IL1RAPL2: variants seen among roughly 807,000 people sequenced by gnomAD.
IL1RAPL2 encodes the protein interleukin 1 receptor accessory protein like 2, also known as X-linked interleukin-1 receptor accessory protein-like 2.
A neutral mutation model predicts 44.1 loss-of-function variants in IL1RAPL2; 3 were observed. The ratio of observed to expected loss-of-function variants is 0.07; its 90% CI spans 0.03 to 0.18. The LOEUF (loss-of-function observed/expected upper bound fraction) is 0.18, where lower values mean the gene tolerates loss of function less well. IL1RAPL2 is among the 10% of genes least tolerant of loss of function. The pLI, the probability that IL1RAPL2 is intolerant of heterozygous loss-of-function variation, is 1.00. For synonymous variants in IL1RAPL2, 181 were observed against 178.8 expected (o/e 1.01, Z -0.10); for missense variants, 391 against 496.4 (o/e 0.79, Z 2.02).
At chrX:105,154,453 G>A (rs1258057479) in intron 2 of IL1RAPL2, among the ~76,000 whole-genome samples, 1 of 111,495 alleles carries the variant, frequency 9.0e-6, no homozygotes, top group Non-Finnish European at 1.9e-5. Context: ...CCTTTAGCCT[G>A]TGTCCCATTT....
intron 6 of IL1RAPL2, among the ~76,000 whole-genome samples, chrX:105,489,110 C>T (rs184225094): frequency 1.8e-5 from 2 of 111,769 alleles, no homozygotes; most frequent in Admixed American, 1.9e-4. Flanking sequence ...AAAACTATTG[C>T]TCTCACAAAA....
At chrX:105,236,560 A>G (rs1556201923) in intron 4 of IL1RAPL2, among the ~76,000 whole-genome samples, 1 of 111,769 alleles carries the variant, frequency 8.9e-6, no homozygotes, top group Non-Finnish European at 1.9e-5. Context: ...GTGGGTTAGC[A>G]AAAGTCAACA....
At chrX:105,113,303 T>C (rs1318534499) in intron 2 of IL1RAPL2, among the ~76,000 whole-genome samples, 1 of 112,426 alleles carries the variant, frequency 8.9e-6, no homozygotes, top group South Asian at 3.7e-4. Context: ...ATGCAGCGCA[T>C]GCTAAGTGGA....
intron 2 of IL1RAPL2, among the ~76,000 whole-genome samples, chrX:105,005,490 A>T (rs1346843221): frequency 9.0e-6 from 1 of 111,459 alleles, no homozygotes; most frequent in Non-Finnish European, 1.9e-5. Context: ...TCTCCCTGTG[A>T]TTTGTATGCA....
At chrX:105,594,510 T>G (rs1186278178) in intron 6 of IL1RAPL2, among the ~76,000 whole-genome samples, 1 of 112,062 alleles carries the variant, frequency 8.9e-6, no homozygotes, top group Non-Finnish European at 1.9e-5. Flanking sequence ...TGTTTTACCT[T>G]AATAGTTAAT....
At chrX:104,619,567 C>G (rs1411087937) in intron 1 of IL1RAPL2, among the ~76,000 whole-genome samples, 1 of 111,944 alleles carries the variant, frequency 8.9e-6, no homozygotes, top group African/African-American at 3.3e-5. Flanking sequence ...CCATTTTCCT[C>G]CTTGAATTAA....
chrX:104,677,656 C>A (rs182240254), intron 2 of IL1RAPL2, among the ~76,000 whole-genome samples: 50 of 112,729 alleles, frequency 4.4e-4, no homozygotes, highest in Non-Finnish European at 8.1e-4. Context: ...CTTTGTTTAC[C>A]TAATCAAGCC....
chrX:105,232,946 T>C (rs1163873330), intron 3 of IL1RAPL2, among the ~76,000 whole-genome samples: 1 of 111,879 alleles, frequency 8.9e-6, no homozygotes, highest in East Asian at 2.8e-4. Context: ...TTCTTCTTTA[T>C]AAAAGCCCAA....
chrX:105,363,530 C>T (rs1020746721), intron 5 of IL1RAPL2, among the ~76,000 whole-genome samples: 3 of 106,850 alleles, frequency 2.8e-5, no homozygotes, highest in African/African-American at 1.0e-4. Context: ...TGCTACTTTC[C>T]AAAATGGCTG....
intron 2 of IL1RAPL2, among the ~76,000 whole-genome samples, chrX:104,693,768 C>T (rs1191788639): frequency 8.9e-6 from 1 of 111,867 alleles, no homozygotes; most frequent in Non-Finnish European, 1.9e-5. Flanking sequence ...AACATTCAGC[C>T]ATCCAGTTTT....
At chrX:104,942,922 G>A (rs187902395) in intron 2 of IL1RAPL2, among the ~76,000 whole-genome samples, 429 of 111,313 alleles carry the variant, frequency 3.9e-3, no homozygotes, top group African/African-American at 0.013. Flanking sequence ...GAATTTTATC[G>A]AAGGCCTTTT....
intron 4 of IL1RAPL2, among the ~76,000 whole-genome samples, chrX:105,253,559 T>G (rs1168722434): frequency 8.9e-6 from 1 of 111,773 alleles, no homozygotes; most frequent in East Asian, 2.8e-4. Context: ...GAGTCTGTTT[T>G]TTTTTAACTT....
chrX:104,672,767 T>C (rs1417802843), intron 2 of IL1RAPL2, among the ~76,000 whole-genome samples: 1 of 107,359 alleles, frequency 9.3e-6, no homozygotes, highest in Non-Finnish European at 1.9e-5. Context: ...TGTTGTTTCC[T>C]GACTTTTTAA....
At chrX:104,587,302 G>A in intron 1 of IL1RAPL2, among the ~76,000 whole-genome samples, 1 of 111,957 alleles carries the variant, frequency 8.9e-6, no homozygotes, top group Non-Finnish European at 1.9e-5. Flanking sequence ...TTTGTCTTCT[G>A]CAACCACCAC....
intron 2 of IL1RAPL2, among the ~76,000 whole-genome samples, chrX:105,079,943 A>G (rs182548478): frequency 8.9e-6 from 1 of 112,095 alleles, no homozygotes; most frequent in African/African-American, 3.2e-5. Context: ...ACATTTCTCT[A>G]ATGACCAGTG....
intron 2 of IL1RAPL2, among the ~76,000 whole-genome samples, chrX:105,090,823 C>A (rs932640932): frequency 3.6e-5 from 4 of 112,141 alleles, no homozygotes; most frequent in African/African-American, 1.3e-4. Context: ...AGTACTCTCT[C>A]CCAGGTACAC....
intron 2 of IL1RAPL2, among the ~76,000 whole-genome samples, chrX:104,941,698 GTTTAA>G (rs1266786178): frequency 9.0e-6 from 1 of 111,574 alleles, no homozygotes; most frequent in Admixed American, 9.6e-5. Flanking sequence ...AAGCTCTTTA[GTTTAA>G]TTAGATCCCA....
At chrX:104,633,919 C>G (rs1215653375) in intron 1 of IL1RAPL2, among the ~76,000 whole-genome samples, 1 of 111,105 alleles carries the variant, frequency 9.0e-6, no homozygotes, top group African/African-American at 3.3e-5. Flanking sequence ...TTTTCTAGTT[C>G]TTTTAATTGT....
chrX:105,728,742 C>G (rs1291852668), intron 7 of IL1RAPL2, among the ~76,000 whole-genome samples: 1 of 111,037 alleles, frequency 9.0e-6, no homozygotes, highest in Non-Finnish European at 1.9e-5. Flanking sequence ...CCATGGTTGA[C>G]AGTAGAGTTC....
Sources: allele counts gnomAD v4.1 joint callset (sites outside exome capture counted in the v4.1 genomes callset), GRCh38; gene constraint gnomAD v4.1.1; transcripts MANE v1.5; gene names NCBI Gene and HGNC (gene_info 2026-07-23, HGNC 2026-07-21).